The following PTPRT variants were observed in gnomAD, a reference collection of about 807,000 sequenced individuals.
PTPRT encodes the protein protein tyrosine phosphatase receptor type T.
PTPRT carries 56 observed loss-of-function variants against 176.8 expected under a neutral mutation model. That is an observed-to-expected ratio of 0.32 (90% CI 0.26 to 0.40). The LOEUF (loss-of-function observed/expected upper bound fraction) is 0.40. Among genes scored for constraint, PTPRT ranks in the 10% least tolerant of loss-of-function variants. The probability of loss-of-function intolerance (pLI) is 1.00; values close to 1 mark genes in which losing one functional copy is unlikely to be tolerated. For synonymous variants in PTPRT, 783 were observed against 739.0 expected, an observed-to-expected ratio of 1.06 and a Z score of -0.96; for missense variants, 1,540 against 1,908.2, an observed-to-expected ratio of 0.81 and a Z score of 3.60.
At chr20:42,943,750 C>T (rs1471291470) in intron 1 of PTPRT, among the ~76,000 whole-genome samples, 4 of 152,156 alleles carry the variant, frequency 2.6e-5, no homozygotes, top group East Asian at 1.9e-4. Context: ...CACAGTGGCT[C>T]GCACCTGTAA....
chr20:42,084,914 C>T lies in PTPRT; in HGVS notation c.3973-69G>A, dbSNP rs1175171160. On this transcript the variant is annotated intron_variant, in intron 28 of 30. Coordinates refer to ENST00000373187, the MANE Select transcript of PTPRT (RefSeq NM_007050.6). The stretch of plus-strand genomic sequence containing the variant: ...TGCGTACATGCACCTTGCAGATACC[C>T]CGGGGACTGCAGCATCATGGTGGAA... The T allele has an allele frequency of 5.5e-6, 7 of 1,272,138 alleles. No homozygotes were observed. In the East Asian group the frequency reaches 1.7e-4, roughly 30 times the overall value. 78.8% of individuals were successfully genotyped at this position (1,272,138 alleles called of 1,614,324 possible). A position where few individuals can be genotyped will look rare whatever the true frequency, so the allele number is the denominator to read the frequency against.
At chr20:43,084,076 C>T (rs889791654) in intron 1 of PTPRT, among the ~76,000 whole-genome samples, 1 of 152,120 alleles carries the variant, frequency 6.6e-6, no homozygotes, top group Non-Finnish European at 1.5e-5. Flanking sequence ...TGTTGTGTAC[C>T]TGTGTCTTCC....
At chr20:42,859,578 T>C (rs2078624130) in intron 2 of PTPRT, among the ~76,000 whole-genome samples, 1 of 134,324 alleles carries the variant, frequency 7.4e-6, no homozygotes, top group Non-Finnish European at 1.5e-5. Flanking sequence ...TGTTTATTTT[T>C]TTTTTTAATT....
intron 2 of PTPRT, among the ~76,000 whole-genome samples, chr20:42,847,982 C>T (rs6030523): frequency 0.04 from 6,087 of 152,170 alleles, 397 homozygotes; most frequent in African/African-American, 0.14. Flanking sequence ...ATCCCTCACC[C>T]CCCTCCCACC....
At chr20:42,243,362 C>T (rs780839715) in intron 14 of PTPRT, among the ~76,000 whole-genome samples, 2 of 152,124 alleles carry the variant, frequency 1.3e-5, no homozygotes, top group Non-Finnish European at 2.9e-5. Context: ...CTACAACCAC[C>T]GGGTAGTGTG....
chr20:42,826,687 A>G (rs1022720523), intron 2 of PTPRT, among the ~76,000 whole-genome samples: 2 of 152,218 alleles, frequency 1.3e-5, no homozygotes, highest in African/African-American at 4.8e-5. Context: ...AAATGGCAAG[A>G]TCAAATTCAC....
chr20:43,146,174 T>C (rs887013093), intron 1 of PTPRT, among the ~76,000 whole-genome samples: 1 of 152,166 alleles, frequency 6.6e-6, no homozygotes, highest in Admixed American at 6.5e-5. Flanking sequence ...TTCTTGAGAT[T>C]ACAACATAAT....
chr20:43,032,783 C>G (rs1001784916), intron 1 of PTPRT, among the ~76,000 whole-genome samples: 2 of 152,242 alleles, frequency 1.3e-5, no homozygotes, highest in Non-Finnish European at 1.5e-5. Context: ...CTACATTAGC[C>G]TGCCCGTAAA....
chr20:42,571,192 T>C (rs779567686), intron 7 of PTPRT, among the ~76,000 whole-genome samples: 30 of 152,226 alleles, frequency 2.0e-4, no homozygotes, highest in Non-Finnish European at 3.2e-4. Context: ...TGAACAATGA[T>C]GAACAAATAA....
intron 1 of PTPRT, among the ~76,000 whole-genome samples, chr20:43,120,820 G>A (rs2013232102): frequency 6.6e-6 from 1 of 152,034 alleles, no homozygotes; most frequent in African/African-American, 2.4e-5. Flanking sequence ...GTTTTGCATA[G>A]GTATTTTAAG....
intron 9 of PTPRT, among the ~76,000 whole-genome samples, chr20:42,437,452 A>G (rs567590023): frequency 7.9e-5 from 12 of 152,324 alleles, no homozygotes; most frequent in African/African-American, 2.9e-4. Flanking sequence ...CCACTATTTG[A>G]CGTGCAGCGA....
chr20:42,784,969 T>G (rs1318793126), intron 3 of PTPRT, among the ~76,000 whole-genome samples: 1 of 152,190 alleles, frequency 6.6e-6, no homozygotes, highest in Non-Finnish European at 1.5e-5. Flanking sequence ...TAATAATATA[T>G]TGTGCATTTC....
chr20:42,544,245 T>C (rs972980649), intron 7 of PTPRT, among the ~76,000 whole-genome samples: 2 of 152,232 alleles, frequency 1.3e-5, no homozygotes, highest in African/African-American at 4.8e-5. Flanking sequence ...GCCACCTTCA[T>C]CAATTATCTT....
chr20:42,956,794 T>G (rs1981671972), intron 1 of PTPRT, among the ~76,000 whole-genome samples: 2 of 152,100 alleles, frequency 1.3e-5, no homozygotes, highest in South Asian at 4.1e-4. Context: ...CGGTCAGGAC[T>G]ATGCACTGGC....
intron 1 of PTPRT, among the ~76,000 whole-genome samples, chr20:43,045,455 A>ATTTT (rs143406929): frequency 0.19 from 24,554 of 126,936 alleles, 2,947 homozygotes; most frequent in Admixed American, 0.28. Context: ...TCTTTTTTTC[A>ATTTT]TTTTTTTTTT....
rs148103104 is a variant in PTPRT, at chr20:42,689,484, T to G, written c.860-11325A>C. On this transcript the variant is annotated intron_variant, in intron 6 of 30. Transcript: ENST00000373187. ...TTGAGCCCACATGTGATCCAATTCT[T>G]CTGGTACAGTGGGCAACTGAAGGAG... Among the ~76,000 whole-genome samples the G allele has an allele frequency of 2.0e-5, 3 of 152,240 alleles. No individual in the cohort carries two copies. In the East Asian group the frequency reaches 5.8e-4, roughly 29 times the overall value.
intron 1 of PTPRT, among the ~76,000 whole-genome samples, chr20:43,109,456 C>T (rs944462483): frequency 6.6e-6 from 1 of 152,120 alleles, no homozygotes; most frequent in African/African-American, 2.4e-5. Flanking sequence ...AGTTGTGAGA[C>T]CTGACTTCAC....
At chr20:42,879,458 A>T (rs2078981836) in intron 2 of PTPRT, among the ~76,000 whole-genome samples, 1 of 152,138 alleles carries the variant, frequency 6.6e-6, no homozygotes, top group Admixed American at 6.5e-5. Flanking sequence ...TTGGGTTAGA[A>T]CCCAATATGA....
chr20:42,975,401 T>C (rs1364794244), intron 1 of PTPRT, among the ~76,000 whole-genome samples: 2 of 152,184 alleles, frequency 1.3e-5, no homozygotes, highest in Admixed American at 6.5e-5. Flanking sequence ...ATGATTATCT[T>C]TGGGTAGTCA....
Sources: allele counts gnomAD v4.1 joint callset (sites outside exome capture counted in the v4.1 genomes callset), GRCh38; gene constraint gnomAD v4.1.1; transcripts MANE v1.5; gene names NCBI Gene and HGNC (gene_info 2026-07-23, HGNC 2026-07-21).